CCDC102B: variants seen among roughly 807,000 people sequenced by gnomAD.
CCDC102B encodes the protein coiled-coil domain-containing protein 102B.
In CCDC102B, 75 loss-of-function variants were observed where a neutral mutation model predicts 57.4. The ratio of observed to expected loss-of-function variants is 1.31; its 90% CI spans 1.08 to 1.58. The LOEUF (loss-of-function observed/expected upper bound fraction) is 1.58, where lower values mean the gene tolerates loss of function less well. Ranked by LOEUF, CCDC102B falls within the 40% of genes most tolerant of loss-of-function variation. The pLI, the probability that CCDC102B is intolerant of heterozygous loss-of-function variation, is 0.00. For synonymous variants in CCDC102B, 206 were observed against 201.9 expected (o/e 1.02, Z -0.17); for missense variants, 636 against 582.6 (o/e 1.09, Z -0.94).
chr18:68,857,336 ATATT>A (rs2038515058), intron 4 of CCDC102B, among the ~76,000 whole-genome samples: 4 of 92,562 alleles, frequency 4.3e-5, no homozygotes, highest in African/African-American at 1.7e-4. Flanking sequence ...TATAAAATAT[ATATT>A]TATATATTAT....
chr18:69,012,870 T>A (rs2051556262), intron 7 of CCDC102B, among the ~76,000 whole-genome samples: 1 of 152,156 alleles, frequency 6.6e-6, no homozygotes, highest in African/African-American at 2.4e-5. Flanking sequence ...AGCTGACTGG[T>A]ATGGTCATTA....
chr18:68,929,748 A>T (rs749902612), intron 6 of CCDC102B, among the ~76,000 whole-genome samples: 18 of 151,870 alleles, frequency 1.2e-4, no homozygotes, highest in Non-Finnish European at 2.4e-4. Context: ...CCTTTGATAT[A>T]CCAGGAAGAA....
At chr18:68,812,655 G>A (rs1236723381) in intron 1 of CCDC102B, among the ~76,000 whole-genome samples, 3 of 152,152 alleles carry the variant, frequency 2.0e-5, no homozygotes, top group Non-Finnish European at 4.4e-5. Flanking sequence ...AAAATACAAC[G>A]AGGCAGTGAA....
chr18:68,789,830 C>T (rs1179413953), intron 2 of CCDC102B, among the ~76,000 whole-genome samples: 12 of 151,090 alleles, frequency 7.9e-5, no homozygotes, highest in South Asian at 4.2e-4. Context: ...TCTCTCAGCT[C>T]GTCAAAGTCA....
At chr18:69,014,367 C>T (rs2051602540) in intron 7 of CCDC102B, among the ~76,000 whole-genome samples, 1 of 152,092 alleles carries the variant, frequency 6.6e-6, no homozygotes, top group Non-Finnish European at 1.5e-5. Context: ...ACTAGAAGGA[C>T]CTTCTAGAGA....
At chr18:68,839,010 A>G (rs756817557) in intron 3 of CCDC102B, 84 bp downstream of exon 3, 1 of 1,094,922 alleles carries the variant, frequency 9.1e-7, no homozygotes, top group Admixed American at 1.9e-5. Flanking sequence ...TGGTCATTTG[A>G]TAATGTATTT....
At chr18:68,718,683 G>A (rs954418158) in intron 2 of CCDC102B, among the ~76,000 whole-genome samples, 3 of 152,242 alleles carry the variant, frequency 2.0e-5, no homozygotes, top group African/African-American at 2.4e-5. Context: ...TTTTAACAGT[G>A]CTTCTCAAAT....
intron 3 of CCDC102B, among the ~76,000 whole-genome samples, chr18:68,844,783 A>G (rs2144812507): frequency 6.6e-6 from 1 of 151,974 alleles, no homozygotes. Flanking sequence ...GCAAGTAGTA[A>G]AACAAAAATT....
intron 3 of CCDC102B, among the ~76,000 whole-genome samples, chr18:68,844,441 G>A (rs1181041210): frequency 6.6e-6 from 1 of 151,528 alleles, no homozygotes; most frequent in Admixed American, 6.6e-5. Context: ...TTCAGTTACT[G>A]ACAAGACATT....
chr18:68,886,988 G>C (rs537151905), intron 5 of CCDC102B, among the ~76,000 whole-genome samples: 1 of 151,778 alleles, frequency 6.6e-6, no homozygotes, highest in East Asian at 1.9e-4. Context: ...CCATAATCCT[G>C]ACCACTGCTT....
chr18:68,837,910 T>A (rs1316802929), intron 2 of CCDC102B, among the ~76,000 whole-genome samples: 1 of 152,218 alleles, frequency 6.6e-6, no homozygotes, highest in Non-Finnish European at 1.5e-5. Flanking sequence ...ATTGCAATGC[T>A]CATTCTTGAG....
At chr18:68,731,528 C>T (rs75447315) in intron 2 of CCDC102B, among the ~76,000 whole-genome samples, 4 of 151,950 alleles carry the variant, frequency 2.6e-5, no homozygotes, top group Admixed American at 2.6e-4. Context: ...ATAATCTGGA[C>T]TCTACATTTG....
intron 6 of CCDC102B, among the ~76,000 whole-genome samples, chr18:68,898,811 A>T (rs1403160601): frequency 1.3e-5 from 2 of 152,172 alleles, no homozygotes. Flanking sequence ...ATAAAGTGGA[A>T]GGGGACACAG....
intron 6 of CCDC102B, among the ~76,000 whole-genome samples, chr18:68,956,572 T>TTA (rs374304369): frequency 0.2 from 1,103 of 5,526 alleles, 200 homozygotes; most frequent in African/African-American, 0.36. Flanking sequence ...ATTATATATT[T>TTA]TATATATATA....
At chr18:68,926,009 T>C (rs890742725) in intron 6 of CCDC102B, among the ~76,000 whole-genome samples, 1 of 151,964 alleles carries the variant, frequency 6.6e-6, no homozygotes, top group African/African-American at 2.4e-5. Flanking sequence ...TTTTGGAGTT[T>C]TCTCCACCAG....
intron 2 of CCDC102B, among the ~76,000 whole-genome samples, chr18:68,770,587 A>G (rs1599435583): frequency 6.6e-6 from 1 of 152,196 alleles, no homozygotes; most frequent in Non-Finnish European, 1.5e-5. Flanking sequence ...AATTCAACCT[A>G]TGGTGAAAAA....
intron 6 of CCDC102B, among the ~76,000 whole-genome samples, chr18:68,952,995 CAT>C (rs2049742047): frequency 6.6e-6 from 1 of 151,872 alleles, no homozygotes; most frequent in African/African-American, 2.4e-5. Context: ...CCATCAAAAA[CAT>C]GAAAAAGATT....
chr18:69,049,789 A>G (rs1275688991), intron 7 of CCDC102B, among the ~76,000 whole-genome samples: 1 of 152,074 alleles, frequency 6.6e-6, no homozygotes, highest in Non-Finnish European at 1.5e-5. Flanking sequence ...AGAGTATGTC[A>G]GGGTCCATTG....
At chr18:68,718,627 A>G (rs2032156684) in intron 2 of CCDC102B, among the ~76,000 whole-genome samples, 1 of 152,130 alleles carries the variant, frequency 6.6e-6, no homozygotes, top group South Asian at 2.1e-4. Context: ...AATAAGAATA[A>G]ATAAAGCTAC....
Sources: allele counts gnomAD v4.1 joint callset (sites outside exome capture counted in the v4.1 genomes callset), GRCh38; gene constraint gnomAD v4.1.1; transcripts MANE v1.5; gene names NCBI Gene and HGNC (gene_info 2026-07-23, HGNC 2026-07-21).